Variants in H2AZ1 observed in about 807,000 individuals in gnomAD.
H2AZ1 encodes the protein histone H2A.Z.
A neutral mutation model predicts 16.6 loss-of-function variants in H2AZ1; 3 were observed. The ratio of observed to expected loss-of-function variants is 0.18; its 90% CI spans 0.08 to 0.47. The LOEUF (loss-of-function observed/expected upper bound fraction) is 0.47. H2AZ1 is among the 20% of genes least tolerant of loss of function. The pLI is 0.98. For missense variants in H2AZ1, 27 were observed against 163.6 expected (o/e 0.17, Z 4.55); for synonymous variants, 78 against 60.7 (o/e 1.28, Z -1.32).
chr4:99,949,457 G>C (rs1371283647), intron 2 of H2AZ1, 71 bp from the exon 3 acceptor site: 5 of 1,108,378 alleles, frequency 4.5e-6, no homozygotes, highest in Non-Finnish European at 6.9e-6. Flanking sequence ...TTATATGCGC[G>C]CCAAAGCAAG....
At position 99,948,382 on chromosome 4, in the gene H2AZ1, T is replaced by TA. The variant is rs1727184221; in HGVS notation, c.*79dup. ...GGCAAAATTGTGTTTTTCACAGAGA[T>TA]ACAGTCCACTGGAATCACCAACACT... On this transcript the variant is annotated 3_prime_UTR_variant, in exon 5 of 5. Transcript: ENST00000296417. The TA allele has an allele frequency of 2.2e-6, 2 of 892,820 alleles. No individual in the cohort carries two copies. The highest frequency in any genetic ancestry group is 4.8e-5 in the East Asian group (2 of 41,648). 55.3% of individuals were successfully genotyped at this position (892,820 alleles called of 1,614,324 possible). A position where few individuals can be genotyped will look rare whatever the true frequency, so the allele number is the denominator to read the frequency against.
chr4:99,948,605 C>T (rs1727192912), intron 4 of H2AZ1, 82 bp from the exon 5 acceptor site: 1 of 1,564,074 alleles, frequency 6.4e-7, no homozygotes, highest in Non-Finnish European at 8.7e-7. Flanking sequence ...GTATACTGTT[C>T]AACTTGAAAG....
chr4:99,948,808 TACC>T lies in H2AZ1; in HGVS notation c.325_325+2del. The T allele has an allele frequency of 6.2e-7, 1 of 1,603,598 alleles. No homozygotes were observed. Among genetic ancestry groups the T allele is most frequent in the African/African-American group, 1.3e-5 (1 of 74,506 alleles). ...TTTTTTAAAATGTTAGAAGTTAACA[TACC>T]ACCACCAGCAATTGTAGCCTTGATG... On this transcript the variant is annotated splice_donor_variant and coding_sequence_variant, in exon 4 of 5. Coordinates refer to ENST00000296417, the MANE Select transcript of H2AZ1 (RefSeq NM_002106.4). LOFTEE classifies it high-confidence loss of function.
At position 99,948,318 on chromosome 4, in the gene H2AZ1, TAA is replaced by T; in HGVS notation, c.*142_*143del. 1 of 733,422 alleles carries T rather than the reference TAA, an allele frequency of 1.4e-6. No homozygotes were observed. Among genetic ancestry groups the T allele is most frequent in the South Asian group, 1.5e-5 (1 of 67,958 alleles). 45.4% of individuals were successfully genotyped at this position (733,422 alleles called of 1,614,324 possible). A position where few individuals can be genotyped will look rare whatever the true frequency, so the allele number is the denominator to read the frequency against. Reference sequence around the variant, plus strand: ...GCAGAAATTTGGTTGGTTGGAAAGCTAATTAAACTTCCAACTTGCTCAAATAG... The same window carrying T: ...GCAGAAATTTGGTTGGTTGGAAAGCTTTAAACTTCCAACTTGCTCAAATAG... On this transcript the variant is annotated 3_prime_UTR_variant, in exon 5 of 5. Transcript: ENST00000296417.
chr4:99,948,643 A>T, intron 4 of H2AZ1, 120 bp from the exon 5 acceptor site: 1 of 1,494,482 alleles, frequency 6.7e-7, no homozygotes, highest in Non-Finnish European at 9.0e-7. Flanking sequence ...CAGCTCAAGT[A>T]TGAAGTAAAA....
At chr4:99,949,554 A>T in intron 2 of H2AZ1, 109 bp downstream of exon 2, 1 of 1,141,754 alleles carries the variant, frequency 8.8e-7, no homozygotes, top group Non-Finnish European at 1.3e-6. Flanking sequence ...AAGTCGCGAC[A>T]CCGCATCACC....
At position 99,949,759 on chromosome 4, in the gene H2AZ1, C is replaced by A. The variant is rs1010103746; in HGVS notation, c.4-19G>T. ...CGCCAGCCTGCGGCGCGCACACGCCCGCGAGCGGAGGAGGAACGGAGAATA... is the reference window on the plus strand; with the variant it reads ...CGCCAGCCTGCGGCGCGCACACGCCAGCGAGCGGAGGAGGAACGGAGAATA... On this transcript the variant is annotated intron_variant, in intron 1 of 4. Transcript: ENST00000296417. 10 of 1,597,094 alleles carry A rather than the reference C, an allele frequency of 6.3e-6. No homozygotes were observed. In the Admixed American group the frequency reaches 6.9e-5, roughly 11 times the overall value.
chr4:99,948,629 C>T, intron 4 of H2AZ1, 106 bp from the exon 5 acceptor site: 1 of 1,520,602 alleles, frequency 6.6e-7, no homozygotes, highest in South Asian at 1.3e-5. Flanking sequence ...TCTTTAAAAA[C>T]ATGCAGCTCA....
At chr4:99,949,956 G>A (rs1304160404) in intron 1 of H2AZ1, 3 of 240,754 alleles carry the variant, frequency 1.2e-5, no homozygotes, top group Non-Finnish European at 2.1e-5. Flanking sequence ...CCGGCCCCCA[G>A]CGGCGCTGCG....
chr4:99,949,833 C>G (rs916304320), intron 1 of H2AZ1, 93 bp from the exon 2 acceptor site: 10 of 1,010,672 alleles, frequency 9.9e-6, no homozygotes, highest in Non-Finnish European at 1.4e-5. Context: ...CGCGTCCCGC[C>G]GCGAGCGCGT....
At chr4:99,949,092 C>T in intron 3 of H2AZ1, 152 bp from the exon 4 acceptor site, 2 of 687,792 alleles carry the variant, frequency 2.9e-6, no homozygotes, top group Non-Finnish European at 2.6e-6. Context: ...AATTTTAATT[C>T]CAAGAGCAGA....
rs1727197469 is a variant in H2AZ1 at position 99,948,638 on chromosome 4, C to T, written c.326-115G>A. ...AAGGTATCTTTAAAAACATGCAGCT[C>T]AAGTATGAAGTAAAAATTCATTGAG... On this transcript the variant is annotated intron_variant, in intron 4 of 4. Transcript: ENST00000296417. 5 of 1,504,506 alleles carry T rather than the reference C, an allele frequency of 3.3e-6. No individual in the cohort carries two copies. The South Asian group carries it at 5.3e-5, about 16-fold the overall frequency. The allele number at this position is 1,504,506 out of a possible 1,614,324, so 93.2% of individuals were successfully genotyped here.
rs1727204847 is a variant in H2AZ1, at chr4:99,948,996, G to A, written c.196-56C>T. On this transcript the variant is annotated intron_variant, in intron 3 of 4. Transcript: ENST00000296417. ...AACTTTCCTTTGGCCAAGATTCAGAGAACAGAATAAAACCCTCACAAACGC... is the reference window on the plus strand; with the variant it reads ...AACTTTCCTTTGGCCAAGATTCAGAAAACAGAATAAAACCCTCACAAACGC... The A allele has an allele frequency of 7.5e-6, 8 of 1,071,476 alleles. No homozygotes were observed. The Admixed American group carries it at 1.1e-4, about 14-fold the overall frequency. 66.4% of individuals were successfully genotyped at this position (1,071,476 alleles called of 1,614,324 possible). A position where few individuals can be genotyped will look rare whatever the true frequency, so the allele number is the denominator to read the frequency against.
Position 99,948,305 on chromosome 4 carries a change from T to C in H2AZ1, c.*157A>G. 1 of 726,114 alleles carries C rather than the reference T, an allele frequency of 1.4e-6. No individual in the cohort carries two copies. The highest frequency in any genetic ancestry group is 2.5e-6 in the Non-Finnish European group (1 of 392,538). 45.0% of individuals were successfully genotyped at this position (726,114 alleles called of 1,614,324 possible). A position where few individuals can be genotyped will look rare whatever the true frequency, so the allele number is the denominator to read the frequency against. ...TTAAGACTCGAATGCAGAAATTTGG[T>C]TGGTTGGAAAGCTAATTAAACTTCC... On this transcript the variant is annotated 3_prime_UTR_variant, in exon 5 of 5. Coordinates refer to ENST00000296417, the MANE Select transcript of H2AZ1 (RefSeq NM_002106.4).
At chr4:99,948,639 A>G in intron 4 of H2AZ1, 116 bp from the exon 5 acceptor site, 11 of 1,497,760 alleles carry the variant, frequency 7.3e-6, no homozygotes, top group Non-Finnish European at 9.8e-6. Context: ...CATGCAGCTC[A>G]AGTATGAAGT....
intron 4 of H2AZ1, 66 bp from the exon 5 acceptor site, chr4:99,948,589 G>A: frequency 6.3e-7 from 1 of 1,596,266 alleles, no homozygotes; most frequent in Non-Finnish European, 8.6e-7. Flanking sequence ...TTGAAACCAA[G>A]AAAGTGTATA....
At position 99,949,602 on chromosome 4, in the gene H2AZ1, A is replaced by T. The variant is rs761878557; in HGVS notation, c.81+61T>A. 4 of 1,495,776 alleles carry T rather than the reference A, an allele frequency of 2.7e-6. No homozygotes were observed. In the Admixed American group the frequency reaches 5.0e-5, roughly 19 times the overall value. The allele number at this position is 1,495,776 out of a possible 1,614,324, so 92.7% of individuals were successfully genotyped here. A position where few individuals can be genotyped will look rare whatever the true frequency, so the allele number is the denominator to read the frequency against. On this transcript the variant is annotated intron_variant, in intron 2 of 4. Transcript: ENST00000296417. Reference sequence around the variant, plus strand: ...AAACGCCCATCGAGAGCGATGAATAACAAAAAAGGAAATGCAAAGAAAAAC... The same window carrying T: ...AAACGCCCATCGAGAGCGATGAATATCAAAAAAGGAAATGCAAAGAAAAAC...
chr4:99,948,622 T>C (rs1727197047), intron 4 of H2AZ1, 99 bp from the exon 5 acceptor site: 2 of 1,534,378 alleles, frequency 1.3e-6, no homozygotes, highest in Non-Finnish European at 1.8e-6. Context: ...AAAGGTATCT[T>C]TAAAAACATG....
At position 99,950,217 on chromosome 4, in the gene H2AZ1, A is replaced by T. The variant is rs761283253; in HGVS notation, c.-47T>A. ...AGCAAGCAAGGCAGAGAAAAGGCTA[A>T]TCGGACCCACGGTGAGATCCCACCA... On this transcript the variant is annotated 5_prime_UTR_variant, in exon 1 of 5. Coordinates refer to ENST00000296417, the MANE Select transcript of H2AZ1 (RefSeq NM_002106.4). 1.3e-6 allele frequency: 2 copies of T among 1,596,590 alleles called. No individual in the cohort carries two copies. The highest frequency in any genetic ancestry group is 1.7e-6 in the Non-Finnish European group (2 of 1,169,396).
Sources: gnomAD v4.1 joint callset for allele counts on GRCh38, gnomAD v4.1.1 for gene constraint, MANE v1.5 for transcripts, NCBI Gene and HGNC (gene_info 2026-07-23, HGNC 2026-07-21) for gene names.